RAP1GAP2: variants seen among roughly 807,000 people sequenced by gnomAD.
RAP1GAP2 encodes the protein rap1 GTPase-activating protein 2.
A neutral mutation model predicts 95.0 loss-of-function variants in RAP1GAP2; 27 were observed. That is an observed-to-expected ratio of 0.28 (90% CI 0.21 to 0.39). The LOEUF is 0.39. RAP1GAP2 is among the 10% of genes least tolerant of loss of function. RAP1GAP2 has a pLI of 1.00. For synonymous variants in RAP1GAP2, 373 were observed against 380.9 expected (o/e 0.98, Z 0.24); for missense variants, 771 against 970.0 (o/e 0.79, Z 2.72).
In RAP1GAP2 at chr17:2,942,934, A is replaced by AG. The variant is rs1346109312; in HGVS notation, c.166-14825_166-14824insG. Among the ~76,000 whole-genome samples, 3 of 151,890 alleles carry AG rather than the reference A, an allele frequency of 2.0e-5. No individual in the cohort carries two copies. The East Asian group carries it at 5.8e-4, about 29-fold the overall frequency. On this transcript the variant is annotated intron_variant, in intron 3 of 24. Transcript: ENST00000254695. Reference sequence around the variant, plus strand: ...AGGCACTCACCACCCACGCCTAGCTAATTTTTGTATTTTTAGTAGAGATGG... The same window carrying AG: ...AGGCACTCACCACCCACGCCTAGCTAGATTTTTGTATTTTTAGTAGAGATGG...
intron 14 of RAP1GAP2, among the ~76,000 whole-genome samples, chr17:3,000,422 C>T (rs1177243770): frequency 1.3e-5 from 2 of 151,550 alleles, no homozygotes; most frequent in Non-Finnish European, 2.9e-5. Context: ...TCAGGGCCTT[C>T]CTGATGCCGG....
At chr17:2,826,489 G>A (rs1011040901) in intron 2 of RAP1GAP2, among the ~76,000 whole-genome samples, 3 of 152,030 alleles carry the variant, frequency 2.0e-5, no homozygotes, top group African/African-American at 7.2e-5. Context: ...GATGACGGGT[G>A]CCCTGGAAGA....
intron 3 of RAP1GAP2, among the ~76,000 whole-genome samples, chr17:2,937,917 A>T (rs958416230): frequency 6.6e-6 from 1 of 151,884 alleles, no homozygotes; most frequent in East Asian, 1.9e-4. Flanking sequence ...CAGCCCCTGG[A>T]GACATTTCCT....
At chr17:2,939,974 G>C (rs1283750525) in intron 3 of RAP1GAP2, among the ~76,000 whole-genome samples, 5 of 152,272 alleles carry the variant, frequency 3.3e-5, no homozygotes, top group African/African-American at 1.2e-4. Flanking sequence ...GTCAGCAGCA[G>C]CCGCCGCCGT....
intron 3 of RAP1GAP2, among the ~76,000 whole-genome samples, chr17:2,914,995 T>G (rs918923099): frequency 2.0e-5 from 3 of 151,364 alleles, no homozygotes; most frequent in Non-Finnish European, 1.5e-5. Flanking sequence ...TTTCACCATG[T>G]TGGCCAGGCT....
intron 1 of RAP1GAP2, among the ~76,000 whole-genome samples, chr17:2,757,303 T>C (rs746485141): frequency 2.0e-5 from 3 of 151,998 alleles, no homozygotes; most frequent in Non-Finnish European, 2.9e-5. Flanking sequence ...ATTTTTTTTG[T>C]AGAGGTGGGA....
At chr17:2,806,339 CA>C (rs2151489408) in intron 2 of RAP1GAP2, among the ~76,000 whole-genome samples, 1 of 151,082 alleles carries the variant, frequency 6.6e-6, no homozygotes, top group Admixed American at 6.6e-5. Context: ...GGGCTTGCCA[CA>C]GCCAGGAAGC....
chr17:2,856,426 A>C (rs1369435664), intron 2 of RAP1GAP2, among the ~76,000 whole-genome samples: 1 of 152,152 alleles, frequency 6.6e-6, no homozygotes, highest in Non-Finnish European at 1.5e-5. Context: ...ATGTGAGTGG[A>C]GACAGGACAG....
upstream of RAP1GAP2, among the ~76,000 whole-genome samples, chr17:2,792,483 C>A (rs376527720): frequency 7.9e-5 from 12 of 152,236 alleles, 1 homozygote; most frequent in Admixed American, 7.2e-4. Context: ...AGGAAGGCAG[C>A]GTGGGAAAGG....
In RAP1GAP2 at chr17:2,904,933, G is replaced by A. The variant is rs2042150859; in HGVS notation, c.81-351G>A. Among the ~76,000 whole-genome samples, 1 of 152,030 alleles carries A rather than the reference G, an allele frequency of 6.6e-6. No homozygotes were observed. The highest frequency in any genetic ancestry group is 1.5e-5 in the Non-Finnish European group (1 of 68,020). On this transcript the variant is annotated intron_variant, in intron 2 of 24. Transcript: ENST00000254695. The surrounding 1 kb of genome is among the most constrained non-coding windows in gnomAD (Gnocchi z 4.7). The stretch of plus-strand genomic sequence containing the variant: ...TTTCATTCTTGTTGCCCAGGCTGGA[G>A]TGCAGTGGCGCCATCTTGGCTCACT...
At chr17:2,967,227 T>C (rs34252006) in intron 8 of RAP1GAP2, among the ~76,000 whole-genome samples, 17,233 of 151,918 alleles carry the variant, frequency 0.11, 1,312 homozygotes, top group Non-Finnish European at 0.15. Flanking sequence ...AAAAATTAGC[T>C]GGGCGTGGTG....
At chr17:2,810,336 G>C (rs2069710128) in intron 2 of RAP1GAP2, among the ~76,000 whole-genome samples, 1 of 151,848 alleles carries the variant, frequency 6.6e-6, no homozygotes, top group Admixed American at 6.6e-5. Flanking sequence ...CTTAGGGCTT[G>C]AGATTTAAAA....
At chr17:2,775,829 G>C (rs927975345), upstream of RAP1GAP2, among the ~76,000 whole-genome samples, 3 of 152,168 alleles carry the variant, frequency 2.0e-5, no homozygotes, top group Admixed American at 2.0e-4. Context: ...ACGCCTTCAC[G>C]TTCAGGAGCA....
At chr17:2,790,540 G>A (rs553520757) in intron 1 of RAP1GAP2, among the ~76,000 whole-genome samples, 138 of 152,338 alleles carry the variant, frequency 9.1e-4, no homozygotes, top group Non-Finnish European at 1.7e-3. Flanking sequence ...CAGTGACTTA[G>A]AGGTGGATCT....
Position 2,975,892 on chromosome 17 carries a change from C to T in RAP1GAP2, c.597-4395C>T, listed in dbSNP as rs187704761. Among the ~76,000 whole-genome samples the T allele has an allele frequency of 5.3e-4, 81 of 152,328 alleles. 1 individual carries two copies. In the East Asian group the frequency reaches 0.014, roughly 27 times the overall value. On this transcript the variant is annotated intron_variant, in intron 8 of 24. Coordinates refer to ENST00000254695, the MANE Select transcript of RAP1GAP2 (RefSeq NM_015085.5). ...AACACCTTACTCTGTTGTTTGTTTGCTTTTGAATTTGTTCAGAAACTGGGC... is the reference window on the plus strand; with the variant it reads ...AACACCTTACTCTGTTGTTTGTTTGTTTTTGAATTTGTTCAGAAACTGGGC...
Position 2,964,088 on chromosome 17 carries a change from G to A in RAP1GAP2, c.492+20G>A, listed in dbSNP as rs1256374119. On this transcript the variant is annotated intron_variant, in intron 7 of 24. Transcript: ENST00000254695. Reference sequence around the variant, plus strand: ...GGGAAGGTGAGGCTGGGGGAGAGGAGCTGCTGGGGGTTGGGGGCAGAGGCT... The same window carrying A: ...GGGAAGGTGAGGCTGGGGGAGAGGAACTGCTGGGGGTTGGGGGCAGAGGCT... The A allele has an allele frequency of 1.3e-6, 2 of 1,592,636 alleles. No individual in the cohort carries two copies. The highest frequency in any genetic ancestry group is 1.7e-6 in the Non-Finnish European group (2 of 1,167,536).
rs540926155 is a variant in RAP1GAP2, at chr17:3,005,364, C to T, written c.1201-5C>T. Reference sequence around the variant, plus strand: ...AGGTCCGTACCATGACTCTGTTTCACTCAGGTCTCTGTCACTGCGCGGGAA... The same window carrying T: ...AGGTCCGTACCATGACTCTGTTTCATTCAGGTCTCTGTCACTGCGCGGGAA... On this transcript the variant is annotated splice_polypyrimidine_tract_variant and splice_region_variant and intron_variant, in intron 14 of 24. Transcript: ENST00000254695. The surrounding 1 kb of genome is among the most constrained non-coding windows in gnomAD (Gnocchi z 5.2). 2.5e-6 allele frequency: 4 copies of T among 1,613,564 alleles called. No individual in the cohort carries two copies. The East Asian group carries it at 8.9e-5, about 36-fold the overall frequency.
At position 2,961,013 on chromosome 17, in the gene RAP1GAP2, C is replaced by T. The variant is rs1453590876; in HGVS notation, c.202-1657C>T. On this transcript the variant is annotated intron_variant, in intron 4 of 24. Transcript: ENST00000254695. The stretch of plus-strand genomic sequence containing the variant: ...GGTGGATCACCTGAGGTTGGGAGTT[C>T]AAGACCAGCCTGGGCAACATGGTGA... 4.6e-5 allele frequency among the ~76,000 whole-genome samples: 7 copies of T among 151,924 alleles called. No individual in the cohort carries two copies. In the East Asian group the frequency reaches 1.4e-3, roughly 29 times the overall value.
chr17:2,791,338 A>C (rs2068919762), intron 1 of RAP1GAP2, among the ~76,000 whole-genome samples: 1 of 152,002 alleles, frequency 6.6e-6, no homozygotes, highest in Non-Finnish European at 1.5e-5. Flanking sequence ...ACTGTGACCC[A>C]CAGCAGGCTC....
Sources: gnomAD v4.1 joint callset for allele counts (sites outside exome capture counted in the v4.1 genomes callset) on GRCh38, gnomAD v4.1.1 for gene constraint, Gnocchi (gnomAD v3.1) non-coding constraint, MANE v1.5 for transcripts, NCBI Gene and HGNC (gene_info 2026-07-23, HGNC 2026-07-21) for gene names.